The following KIAA0319L variants were observed in gnomAD, a reference collection of about 807,000 sequenced individuals.
KIAA0319L encodes KIAA0319 like.
KIAA0319L carries 55 observed loss-of-function variants against 120.1 expected under a neutral mutation model. The ratio of observed to expected loss-of-function variants is 0.46; its 90% CI spans 0.37 to 0.57. The LOEUF is 0.57. Ranked by LOEUF, KIAA0319L falls within the 20% of genes least tolerant of loss-of-function variation. The pLI, the probability that KIAA0319L is intolerant of heterozygous loss-of-function variation, is 0.00. For synonymous variants in KIAA0319L, 398 were observed against 471.9 expected (o/e 0.84, Z 2.03); for missense variants, 1,049 against 1,255.3 (o/e 0.84, Z 2.48).
intron 2 of KIAA0319L, among the ~76,000 whole-genome samples, chr1:35,543,597 G>A (rs1199955998): frequency 1.3e-5 from 2 of 152,172 alleles, no homozygotes; most frequent in Non-Finnish European, 2.9e-5. Flanking sequence ...GCTCTGACTG[G>A]TACAACAGAG....
At chr1:35,552,153 CCAA>C (rs1231517567) in intron 2 of KIAA0319L, among the ~76,000 whole-genome samples, 2 of 152,024 alleles carry the variant, frequency 1.3e-5, no homozygotes, top group East Asian at 3.9e-4. Flanking sequence ...GACCATCCTG[CCAA>C]CATGGAGAAA....
chr1:35,469,203 A>AT (rs1398572011), intron 6 of KIAA0319L, among the ~76,000 whole-genome samples: 1 of 151,968 alleles, frequency 6.6e-6, no homozygotes, highest in Non-Finnish European at 1.5e-5. Context: ...TAATTTTTGT[A>AT]TTTTTTGTGG....
chr1:35,443,500 C>T (rs1641378019), intron 17 of KIAA0319L, among the ~76,000 whole-genome samples: 1 of 151,938 alleles, frequency 6.6e-6, no homozygotes, highest in Admixed American at 6.6e-5. Flanking sequence ...GACGAAACCC[C>T]ATCTCTACTA....
intron 2 of KIAA0319L, among the ~76,000 whole-genome samples, chr1:35,542,623 A>T (rs1646835627): frequency 6.6e-6 from 1 of 152,218 alleles, no homozygotes; most frequent in Non-Finnish European, 1.5e-5. Context: ...ACTACTGTTC[A>T]TCTGAAAATA....
At chr1:35,554,963 A>G (rs976461434) in intron 1 of KIAA0319L, 2 of 152,754 alleles carry the variant, frequency 1.3e-5, no homozygotes, top group African/African-American at 4.8e-5. Flanking sequence ...CTGGCCCAGT[A>G]TTTTTTAAAT....
At chr1:35,554,987 T>C (rs1399066179) in intron 1 of KIAA0319L, 2 of 152,954 alleles carry the variant, frequency 1.3e-5, no homozygotes, top group Non-Finnish European at 2.9e-5. Flanking sequence ...TGAATGCAAA[T>C]GTCTTTAGGC....
rs1195301102 is a variant in KIAA0319L at position 35,460,201 on chromosome 1, C to T, written c.1427+104G>A. The T allele has an allele frequency of 1.4e-5, 13 of 942,386 alleles. No individual in the cohort carries two copies. The East Asian group carries it at 2.4e-4, about 18-fold the overall frequency. The allele number at this position is 942,386 out of a possible 1,614,324, so 58.4% of individuals were successfully genotyped here. A position where few individuals can be genotyped will look rare whatever the true frequency, so the allele number is the denominator to read the frequency against. On this transcript the variant is annotated intron_variant, in intron 9 of 20. Coordinates refer to ENST00000325722, the MANE Select transcript of KIAA0319L (RefSeq NM_024874.5). The stretch of plus-strand genomic sequence containing the variant: ...CAAAAGCTGTATTATCAACCAACTC[C>T]ACAGTGAATTTGATATTTGTCAAAG...
chr1:35,465,085 G>A (rs1643163367), intron 7 of KIAA0319L, among the ~76,000 whole-genome samples: 1 of 152,232 alleles, frequency 6.6e-6, no homozygotes, highest in South Asian at 2.1e-4. Context: ...GGAAATATGG[G>A]GTTGGAGGCC....
At chr1:35,534,208 G>A (rs1646479359) in intron 2 of KIAA0319L, among the ~76,000 whole-genome samples, 1 of 152,194 alleles carries the variant, frequency 6.6e-6, no homozygotes, top group Non-Finnish European at 1.5e-5. Flanking sequence ...TTTTTTAAAT[G>A]TATGGTGTAG....
At chr1:35,526,416 CAT>C (rs1217219738) in intron 2 of KIAA0319L, among the ~76,000 whole-genome samples, 2 of 140,966 alleles carry the variant, frequency 1.4e-5, no homozygotes, top group Non-Finnish European at 3.0e-5. Context: ...TATATACACA[CAT>C]ACATATATAT....
At position 35,448,212 on chromosome 1, in the gene KIAA0319L, T is replaced by A; in HGVS notation, c.2474A>T (p.Asp825Val). The A allele has an allele frequency of 6.2e-7, 1 of 1,613,972 alleles. No homozygotes were observed. Among genetic ancestry groups the A allele is most frequent in the Non-Finnish European group, 8.5e-7 (1 of 1,179,946 alleles). The change falls in exon 16 of 21, where the codon GAC (aspartate) becomes GTC (valine). Residue 825 changes from aspartate (D) to valine (V), a missense_variant. Coordinates refer to ENST00000325722, the MANE Select transcript of KIAA0319L (RefSeq NM_024874.5). ...IGVLLGVLDS[D>V]IIVQKIQPYT... ...CGGCTGAATCTTTTGCACAATGATG[T>A]CGGAATCCAGCACCCCCAGGAGGAC...
intron 2 of KIAA0319L, among the ~76,000 whole-genome samples, chr1:35,546,811 GAAT>G (rs1343652015): frequency 1.3e-5 from 2 of 151,902 alleles, no homozygotes; most frequent in Non-Finnish European, 2.9e-5. Flanking sequence ...TAGAAAAGAT[GAAT>G]AATAACAAGT....
At chr1:35,444,070 AAAG>A in intron 17 of KIAA0319L, 88 bp downstream of exon 17, 3 of 1,055,104 alleles carry the variant, frequency 2.8e-6, no homozygotes, top group Non-Finnish European at 4.1e-6. Context: ...TTCCCAGAGA[AAAG>A]AAGATGAAGG....
chr1:35,541,900 T>C (rs1646809072), intron 2 of KIAA0319L, among the ~76,000 whole-genome samples: 1 of 152,186 alleles, frequency 6.6e-6, no homozygotes. Context: ...TGCTCCTCAG[T>C]GGCATATTAC....
At chr1:35,521,959 C>T (rs1448184778) in intron 2 of KIAA0319L, among the ~76,000 whole-genome samples, 1 of 151,276 alleles carries the variant, frequency 6.6e-6, no homozygotes, top group Admixed American at 6.6e-5. Context: ...GGTGACAGAG[C>T]GAGACTCTGT....
At chr1:35,512,443 C>T (rs887096397) in intron 2 of KIAA0319L, among the ~76,000 whole-genome samples, 3 of 150,242 alleles carry the variant, frequency 2.0e-5, no homozygotes, top group East Asian at 1.9e-4. Context: ...GAAGAGTAAT[C>T]GAACAAAAAA....
intron 16 of KIAA0319L, among the ~76,000 whole-genome samples, chr1:35,444,720 T>C (rs1269045850): frequency 6.6e-6 from 1 of 152,244 alleles, no homozygotes; most frequent in Non-Finnish European, 1.5e-5. Flanking sequence ...TGTCCACCTT[T>C]TTCCAGCTAA....
rs190094779 is a variant in KIAA0319L, at chr1:35,479,355, A to C, written c.667-143T>G. 595 of 661,918 alleles carry C rather than the reference A, an allele frequency of 9.0e-4. 2 individuals are homozygous for C. The highest frequency in any genetic ancestry group is 7.9e-3 in the African/African-American group (433 of 55,076). The allele number at this position is 661,918 out of a possible 1,614,324, so 41.0% of individuals were successfully genotyped here. On this transcript the variant is annotated intron_variant, in intron 3 of 20. Coordinates refer to ENST00000325722, the MANE Select transcript of KIAA0319L (RefSeq NM_024874.5). ...ATTAAAGAAACTAATCTCACCACCC[A>C]AATAAAAGTGGTGTTAAATGTTGAG...
intron 3 of KIAA0319L, among the ~76,000 whole-genome samples, chr1:35,495,317 G>A (rs899625891): frequency 2.6e-5 from 4 of 152,156 alleles, no homozygotes; most frequent in African/African-American, 7.2e-5. Flanking sequence ...AGGTTGCAGT[G>A]AGCCGAGATC....
Sources: gnomAD v4.1 joint callset for allele counts (sites outside exome capture counted in the v4.1 genomes callset) on GRCh38, gnomAD v4.1.1 for gene constraint, MANE v1.5 for transcripts, NCBI Gene and HGNC (gene_info 2026-07-23, HGNC 2026-07-21) for gene names.